Variants in TTC7B observed in about 807,000 individuals in gnomAD.
TTC7B encodes the protein tetratricopeptide repeat protein 7B.
TTC7B carries 28 observed loss-of-function variants against 106.8 expected under a neutral mutation model. That is an observed-to-expected ratio of 0.26 (90% CI 0.19 to 0.36). The LOEUF (loss-of-function observed/expected upper bound fraction) is 0.36. TTC7B is among the 10% of genes least tolerant of loss of function. TTC7B has a pLI of 1.00. For missense variants in TTC7B, 862 were observed against 1,076.4 expected (o/e 0.80, Z 2.79); for synonymous variants, 405 against 430.6 (o/e 0.94, Z 0.74).
In TTC7B at chr14:90,540,109, G is replaced by A. The variant is rs78542756; in HGVS notation, c.*1259C>T. 0.041 allele frequency: 6,291 copies of A among 152,312 alleles called. 174 individuals carry two copies. The highest frequency in any genetic ancestry group is 0.16 in the East Asian group (828 of 5,184). 9.4% of individuals were successfully genotyped at this position (152,312 alleles called of 1,614,324 possible). On this transcript the variant is annotated 3_prime_UTR_variant, in exon 20 of 20. Coordinates refer to ENST00000328459, the MANE Select transcript of TTC7B (RefSeq NM_001010854.2). The stretch of plus-strand genomic sequence containing the variant: ...TGGGTGCTGAGGACGCAGGAAACAC[G>A]TCCCTACCTAGGGATCATCTTCAAA...
Position 90,541,209 on chromosome 14 carries a change from G to T in TTC7B, c.*159C>A, listed in dbSNP as rs537831678. 3.6e-5 allele frequency: 20 copies of T among 553,878 alleles called. No individual in the cohort carries two copies. Among genetic ancestry groups the T allele is most frequent in the Admixed American group, 6.9e-5 (2 of 28,808 alleles). 34.3% of individuals were successfully genotyped at this position (553,878 alleles called of 1,614,324 possible). On this transcript the variant is annotated 3_prime_UTR_variant, in exon 20 of 20. Coordinates refer to ENST00000328459, the MANE Select transcript of TTC7B (RefSeq NM_001010854.2). ...CAAGAGAAACGCACATGGCGAGAGC[G>T]ATGATTCGGGGTTGGTTTGGTTGGT...
intron 8 of TTC7B, 150 bp downstream of exon 8, chr14:90,680,322 T>A: frequency 3.3e-6 from 2 of 600,922 alleles, no homozygotes; most frequent in Non-Finnish European, 5.9e-6. Context: ...ACCCTCTTTT[T>A]AAACCTCTAC....
At chr14:90,799,121 C>A (rs528172257) in intron 1 of TTC7B, among the ~76,000 whole-genome samples, 2 of 152,268 alleles carry the variant, frequency 1.3e-5, no homozygotes, top group East Asian at 3.9e-4. Context: ...CAGCCTCACG[C>A]ACCCGTGCTC....
At chr14:90,636,789 T>C (rs1466680570) in intron 15 of TTC7B, among the ~76,000 whole-genome samples, 1 of 151,714 alleles carries the variant, frequency 6.6e-6, no homozygotes. Flanking sequence ...AGACAACTAA[T>C]GGATCAAAAA....
intron 15 of TTC7B, among the ~76,000 whole-genome samples, chr14:90,625,798 A>G (rs1410543422): frequency 1.3e-5 from 2 of 152,244 alleles, no homozygotes; most frequent in East Asian, 3.8e-4. Flanking sequence ...GAATTCCTCA[A>G]CGGTTACACA....
intron 1 of TTC7B, among the ~76,000 whole-genome samples, chr14:90,795,319 G>A (rs56147273): frequency 0.042 from 6,467 of 152,234 alleles, 189 homozygotes; most frequent in Non-Finnish European, 0.058. Context: ...AGCCCACTAC[G>A]GCCTTGAGAG....
intron 19 of TTC7B, among the ~76,000 whole-genome samples, chr14:90,559,666 ACAC>A (rs1300670234): frequency 2.2e-5 from 3 of 133,620 alleles, no homozygotes; most frequent in Non-Finnish European, 5.3e-5. Context: ...TTCTCACAAC[ACAC>A]ACGATTCTCA....
chr14:90,749,906 A>G (rs1178062417), intron 3 of TTC7B, among the ~76,000 whole-genome samples: 1 of 152,224 alleles, frequency 6.6e-6, no homozygotes, highest in East Asian at 1.9e-4. Context: ...ACTTTCTGAA[A>G]TAAGGAATAC....
intron 9 of TTC7B, among the ~76,000 whole-genome samples, chr14:90,667,356 A>G (rs1171569855): frequency 1.3e-5 from 2 of 152,198 alleles, no homozygotes; most frequent in African/African-American, 2.4e-5. Flanking sequence ...CAGAAAGGAC[A>G]GAAGCAGGGT....
intron 9 of TTC7B, among the ~76,000 whole-genome samples, chr14:90,672,687 T>A (rs911648452): frequency 2.6e-5 from 4 of 152,244 alleles, no homozygotes; most frequent in African/African-American, 9.6e-5. Context: ...TGCACTATTA[T>A]GTATTCTCTA....
chr14:90,629,112 GAC>G (rs1595222705), intron 15 of TTC7B, among the ~76,000 whole-genome samples: 1 of 152,254 alleles, frequency 6.6e-6, no homozygotes, highest in East Asian at 1.9e-4. Flanking sequence ...GTGTTCAAAG[GAC>G]AGTGAATCTG....
chr14:90,654,512 G>C (rs1885864787), intron 12 of TTC7B, among the ~76,000 whole-genome samples: 1 of 152,166 alleles, frequency 6.6e-6, no homozygotes, highest in South Asian at 2.1e-4. Flanking sequence ...GTGAGCTGCT[G>C]CACTGCACAT....
chr14:90,626,797 G>A (rs1161883696), intron 15 of TTC7B, among the ~76,000 whole-genome samples: 4 of 152,016 alleles, frequency 2.6e-5, no homozygotes, highest in Non-Finnish European at 5.9e-5. Flanking sequence ...TGCCAGCCCC[G>A]GTCAGTCCAG....
intron 19 of TTC7B, among the ~76,000 whole-genome samples, chr14:90,572,952 G>A (rs1891091886): frequency 3.3e-5 from 5 of 151,970 alleles, no homozygotes; most frequent in Admixed American, 1.3e-4. Flanking sequence ...CCAACCCCTA[G>A]CCACCGCCCG....
chr14:90,568,164 G>C (rs1890878070), intron 19 of TTC7B, among the ~76,000 whole-genome samples: 1 of 152,196 alleles, frequency 6.6e-6, no homozygotes. Flanking sequence ...GTGGGGGATG[G>C]GGGTGGCTGA....
intron 5 of TTC7B, among the ~76,000 whole-genome samples, chr14:90,716,289 G>A (rs1888653376): frequency 6.6e-6 from 1 of 152,226 alleles, no homozygotes; most frequent in Non-Finnish European, 1.5e-5. Flanking sequence ...CTGGGGGATG[G>A]TAGTGGCTGA....
At chr14:90,716,981 C>T (rs1888681017) in intron 5 of TTC7B, among the ~76,000 whole-genome samples, 2 of 152,050 alleles carry the variant, frequency 1.3e-5, no homozygotes, top group East Asian at 3.9e-4. Flanking sequence ...AGAAGGCATT[C>T]ACAAATAAAA....
intron 14 of TTC7B, among the ~76,000 whole-genome samples, chr14:90,646,146 G>A (rs1885438583): frequency 6.6e-6 from 1 of 152,220 alleles, no homozygotes; most frequent in African/African-American, 2.4e-5. Context: ...CCATTCCCAA[G>A]CAACCAGGAA....
chr14:90,800,949 G>T (rs960988491), intron 1 of TTC7B, among the ~76,000 whole-genome samples: 16 of 152,170 alleles, frequency 1.1e-4, no homozygotes, highest in Non-Finnish European at 5.9e-5. Flanking sequence ...ACTTTGGGAG[G>T]CTGAGGCAGG....
Sources: allele counts gnomAD v4.1 joint callset (sites outside exome capture counted in the v4.1 genomes callset), GRCh38; gene constraint gnomAD v4.1.1; transcripts MANE v1.5; gene names NCBI Gene and HGNC (gene_info 2026-07-23, HGNC 2026-07-21).